The following ATP8B2 variants were observed in gnomAD, a reference collection of about 807,000 sequenced individuals.
ATP8B2 encodes the protein phospholipid-transporting ATPase ID.
ATP8B2 carries 70 observed loss-of-function variants against 133.4 expected under a neutral mutation model. The observed-to-expected ratio is 0.52, with a 90% CI of 0.43 to 0.64. The LOEUF (loss-of-function observed/expected upper bound fraction) is 0.64. Among genes scored for constraint, ATP8B2 ranks in the 30% least tolerant of loss-of-function variants. The pLI is 0.00. For synonymous variants in ATP8B2, 517 were observed against 589.5 expected, an observed-to-expected ratio of 0.88 and a Z score of 1.78; for missense variants, 1,101 against 1,535.7, an observed-to-expected ratio of 0.72 and a Z score of 4.73.
At chr1:154,335,031 TC>T (rs1435555574) in intron 11 of ATP8B2, among the ~76,000 whole-genome samples, 2 of 152,198 alleles carry the variant, frequency 1.3e-5, no homozygotes, top group Non-Finnish European at 2.9e-5. Context: ...TTTTGGCAGT[TC>T]CTGAATCCTT....
rs1232871903 is a variant in ATP8B2 at position 154,348,402 on chromosome 1, C to T, written c.3164-6C>T. On this transcript the variant is annotated splice_region_variant and splice_polypyrimidine_tract_variant and intron_variant, in intron 26 of 27. Coordinates refer to ENST00000368489, the MANE Select transcript of ATP8B2 (RefSeq NM_001370597.1). ...CCCAAGGCCACTGACTCCTCTTCAT[C>T]CCCAGGGAATGCCCAGAACACCTTG... 37 of 1,597,680 alleles carry T rather than the reference C, an allele frequency of 2.3e-5. No individual in the cohort carries two copies. Among genetic ancestry groups the T allele is most frequent in the Middle Eastern group, 3.3e-4 (2 of 6,044 alleles).
Position 154,340,654 on chromosome 1 carries a change from G to A in ATP8B2, c.1035-200G>A, listed in dbSNP as rs1171857531. 7 of 607,486 alleles carry A rather than the reference G, an allele frequency of 1.2e-5. No homozygotes were observed. In the South Asian group the frequency reaches 1.4e-4, roughly 12 times the overall value. 37.6% of individuals were successfully genotyped at this position (607,486 alleles called of 1,614,324 possible). On this transcript the variant is annotated intron_variant, in intron 12 of 27. Coordinates refer to ENST00000368489, the MANE Select transcript of ATP8B2 (RefSeq NM_001370597.1). This position sits in a 1 kb window ranked among gnomAD's most constrained non-coding sequence, Gnocchi z 4.0. ...GTCTGGAGAGCATCAGGAGGGTCGG[G>A]TCGGGGCGTTCCTCTGCTGGCTGTG...
intron 1 of ATP8B2, among the ~76,000 whole-genome samples, chr1:154,327,186 A>G (rs763360232): frequency 2.6e-5 from 4 of 152,316 alleles, no homozygotes; most frequent in Non-Finnish European, 5.9e-5. Flanking sequence ...GGCTAAAGGC[A>G]GAGGGAACCA....
intron 13 of ATP8B2, among the ~76,000 whole-genome samples, chr1:154,342,254 G>A (rs1047042312): frequency 6.6e-6 from 1 of 151,648 alleles, no homozygotes; most frequent in Non-Finnish European, 1.5e-5. Context: ...AGTGGGTGCC[G>A]GGGCTCTTTC....
chr1:154,344,764 G>A lies in ATP8B2; in HGVS notation c.2265G>A (p.Leu755=). ...AGGCCGTTGCTGGGGAGTACGCCCT[G>A]GTCATAAATGGTCACAGCCTGGTAG... ...VLEAVAGEYA[L]VINGHSLAHA... Residue 755 remains leucine, a synonymous_variant, in exon 21 of 28, where the codon CTG becomes CTA. Transcript: ENST00000368489. This position sits in a 1 kb window ranked among gnomAD's most constrained non-coding sequence, Gnocchi z 4.1. The A allele has an allele frequency of 1.2e-6, 2 of 1,601,850 alleles. No homozygotes were observed. Among genetic ancestry groups the A allele is most frequent in the South Asian group, 2.2e-5 (2 of 90,716 alleles).
Position 154,344,454 on chromosome 1 carries a change from T to G in ATP8B2, c.2095T>G (p.Phe699Val). ...GCTGACGGATGACATGACTGAGGTT[T>G]TCATAGTCACTGGCCATACTGTCCT... ...KMLTDDMTEV[F>V]IVTGHTVLEV... is the part of the protein sequence containing the mutation. Residue 699 changes from phenylalanine to valine, a missense_variant, in exon 20 of 28, where the codon TTC (phenylalanine) becomes GTC (valine). Transcript: ENST00000368489. This position sits in a 1 kb window ranked among gnomAD's most constrained non-coding sequence, Gnocchi z 4.1. The G allele has an allele frequency of 6.2e-7, 1 of 1,614,102 alleles. No homozygotes were observed. The highest frequency in any genetic ancestry group is 8.5e-7 in the Non-Finnish European group (1 of 1,180,006).
chr1:154,334,485 C>A lies in ATP8B2; in HGVS notation c.749-18C>A. On this transcript the variant is annotated intron_variant, in intron 10 of 27. Coordinates refer to ENST00000368489, the MANE Select transcript of ATP8B2 (RefSeq NM_001370597.1). The surrounding 1 kb of genome is among the most constrained non-coding windows in gnomAD (Gnocchi z 4.6). ...GATGTGTTATTTGGCTTTCCCAGCC[C>A]TTCCCATTCTTTTCCAGGTCCCGAC... is the stretch of plus-strand genomic sequence containing the variant. 1 of 1,613,364 alleles carries A rather than the reference C, an allele frequency of 6.2e-7. No homozygotes were observed. Among genetic ancestry groups the A allele is most frequent in the South Asian group, 1.1e-5 (1 of 90,966 alleles).
intron 1 of ATP8B2, 103 bp downstream of exon 1, chr1:154,325,805 G>A (rs1233873379): frequency 1.3e-5 from 2 of 152,756 alleles, no homozygotes; most frequent in African/African-American, 4.8e-5. Flanking sequence ...CGGGGAGCGG[G>A]TGTAGACTGG....
In ATP8B2 at chr1:154,329,091, G is replaced by A. The variant is rs563688062; in HGVS notation, c.31+919G>A. ...TGGGGGACAGGTAACGGGAGGCAGC[G>A]CCTGGCAGCTCTCCCGCACCCATTA... On this transcript the variant is annotated intron_variant, in intron 2 of 27. Coordinates refer to ENST00000368489, the MANE Select transcript of ATP8B2 (RefSeq NM_001370597.1). 5.4e-4 allele frequency: 693 copies of A among 1,285,078 alleles called. 2 individuals carry two copies. The highest frequency in any genetic ancestry group is 1.1e-3 in the Middle Eastern group (5 of 4,584). 79.6% of individuals were successfully genotyped at this position (1,285,078 alleles called of 1,614,324 possible). A position where few individuals can be genotyped will look rare whatever the true frequency, so the allele number is the denominator to read the frequency against.
rs924936294 is a variant in ATP8B2, at chr1:154,337,828, A to T, written c.1034+284A>T. 1.2e-5 allele frequency: 14 copies of T among 1,199,166 alleles called. No individual in the cohort carries two copies. The African/African-American group carries it at 2.2e-4, about 19-fold the overall frequency. The allele number at this position is 1,199,166 out of a possible 1,614,324, so 74.3% of individuals were successfully genotyped here. A position where few individuals can be genotyped will look rare whatever the true frequency, so the allele number is the denominator to read the frequency against. ...AGAAGTGTGCTAGGTGCCATCACAA[A>T]TAAAAGATGAATTAGGAATGGATCT... On this transcript the variant is annotated intron_variant, in intron 12 of 27. Transcript: ENST00000368489.
chr1:154,337,312 A>G lies in ATP8B2; in HGVS notation c.838-36A>G, dbSNP rs1391470463. 1.8e-5 allele frequency: 28 copies of G among 1,585,946 alleles called. No individual in the cohort carries two copies. The East Asian group carries it at 5.6e-4, about 32-fold the overall frequency. ...GCACTTGGTTTTGAGGGCTTCCTAC[A>G]TGTCAGCCTCGCCTGTGCTTCTCAT... On this transcript the variant is annotated intron_variant, in intron 11 of 27. Transcript: ENST00000368489.
intron 1 of ATP8B2, among the ~76,000 whole-genome samples, chr1:154,326,432 C>T (rs1035332025): frequency 6.6e-6 from 1 of 152,112 alleles, no homozygotes; most frequent in Admixed American, 6.5e-5. Context: ...TATTTTTATC[C>T]CAAATGTGGC....
Position 154,349,277 on chromosome 1 carries a change from G to A in ATP8B2, c.*159G>A. ...CCCACCACACATGGCTGGGACATCTGTTCCCAGCTGTAGGCCCTTCCACCA... is the reference window on the plus strand; with the variant it reads ...CCCACCACACATGGCTGGGACATCTATTCCCAGCTGTAGGCCCTTCCACCA... On this transcript the variant is annotated 3_prime_UTR_variant, in exon 28 of 28. Coordinates refer to ENST00000368489, the MANE Select transcript of ATP8B2 (RefSeq NM_001370597.1). The A allele has an allele frequency of 6.0e-6, 6 of 1,008,230 alleles. No individual in the cohort carries two copies. The highest frequency in any genetic ancestry group is 8.5e-6 in the Non-Finnish European group (6 of 702,882). 62.5% of individuals were successfully genotyped at this position (1,008,230 alleles called of 1,614,324 possible). A position where few individuals can be genotyped will look rare whatever the true frequency, so the allele number is the denominator to read the frequency against.
Position 154,348,414 on chromosome 1 carries a change from C to T in ATP8B2, c.3170C>T (p.Ala1057Val). 1 of 1,606,584 alleles carries T rather than the reference C, an allele frequency of 6.2e-7. No homozygotes were observed. The highest frequency in any genetic ancestry group is 8.5e-7 in the Non-Finnish European group (1 of 1,174,046). Residue 1057 changes from alanine to valine, a missense_variant, in exon 27 of 28, where the codon GCC becomes GTC. Physicochemically the swap from Ala to Val is moderately conservative, Grantham distance 64 (BLOSUM62 0). Transcript: ENST00000368489. Reference sequence around the variant, plus strand: ...GACTCCTCTTCATCCCCAGGGAATGCCCAGAACACCTTGGCCCAGCCCACG... The same window carrying T: ...GACTCCTCTTCATCCCCAGGGAATGTCCAGAACACCTTGGCCCAGCCCACG... ...FPNQFRFVGN[A>V]QNTLAQPTVW... is the part of the protein sequence containing the mutation.
chr1:154,333,998 C>G (rs983161157), intron 9 of ATP8B2, 109 bp from the exon 10 acceptor site: 3 of 1,329,460 alleles, frequency 2.3e-6, no homozygotes, highest in Non-Finnish European at 3.2e-6. Flanking sequence ...TATGGATGGG[C>G]CCTTGCCCTT....
At chr1:154,329,489 G>A (rs1570846028) in intron 2 of ATP8B2, among the ~76,000 whole-genome samples, 1 of 152,104 alleles carries the variant, frequency 6.6e-6, no homozygotes, top group African/African-American at 2.4e-5. Flanking sequence ...GGTGACCCCC[G>A]GGGAGACGGG....
Position 154,343,473 on chromosome 1 carries a change from A to G in ATP8B2, c.1663A>G (p.Ile555Val). 2 of 1,614,044 alleles carry G rather than the reference A, an allele frequency of 1.2e-6. No homozygotes were observed. Among genetic ancestry groups the G allele is most frequent in the Non-Finnish European group, 1.7e-6 (2 of 1,180,008 alleles). Residue 555 changes from isoleucine to valine, a missense_variant, in exon 17 of 28, where the codon ATC becomes GTC. Transcript: ENST00000368489. The surrounding 1 kb of genome is among the most constrained non-coding windows in gnomAD (Gnocchi z 5.8). The part of the protein sequence containing the change: ...SVIVRNPEGK[I>V]RLYCKGADTI... ...CATAGTGCGGAATCCAGAGGGGAAGATCCGACTCTACTGCAAAGGGGCTGA... is the reference window on the plus strand; with the variant it reads ...CATAGTGCGGAATCCAGAGGGGAAGGTCCGACTCTACTGCAAAGGGGCTGA...
Position 154,349,236 on chromosome 1 carries a change from ACT to A in ATP8B2, c.*121_*122del, listed in dbSNP as rs1392267949. On this transcript the variant is annotated 3_prime_UTR_variant, in exon 28 of 28. Transcript: ENST00000368489. ...TCCTTGCTTCCCGTCCCCCCGGTAG[ACT>A]CTGTCCTGCTGGTCCCACCACACAT... The A allele has an allele frequency of 3.8e-6, 5 of 1,317,710 alleles. No homozygotes were observed. The highest frequency in any genetic ancestry group is 3.1e-6 in the Non-Finnish European group (3 of 965,080). The allele number at this position is 1,317,710 out of a possible 1,614,324, so 81.6% of individuals were successfully genotyped here. A position where few individuals can be genotyped will look rare whatever the true frequency, so the allele number is the denominator to read the frequency against.
chr1:154,334,634 C>A lies in ATP8B2; in HGVS notation c.837+43C>A. On this transcript the variant is annotated intron_variant, in intron 11 of 27. Transcript: ENST00000368489. This position sits in a 1 kb window ranked among gnomAD's most constrained non-coding sequence, Gnocchi z 4.6. ...TGGCTCCCTGCCCCTGCCCTCTCTT[C>A]TCCTTGGGTGCTCCTTTTCCTTTCC... The A allele has an allele frequency of 6.5e-7, 1 of 1,532,748 alleles. No homozygotes were observed. The highest frequency in any genetic ancestry group is 9.0e-7 in the Non-Finnish European group (1 of 1,108,404). The allele number at this position is 1,532,748 out of a possible 1,614,324, so 94.9% of individuals were successfully genotyped here. A position where few individuals can be genotyped will look rare whatever the true frequency, so the allele number is the denominator to read the frequency against.
Sources: gnomAD v4.1 joint callset for allele counts (sites outside exome capture counted in the v4.1 genomes callset) on GRCh38, gnomAD v4.1.1 for gene constraint, Gnocchi (gnomAD v3.1) non-coding constraint, MANE v1.5 for transcripts, NCBI Gene and HGNC (gene_info 2026-07-23, HGNC 2026-07-21) for gene names.